Variants in SERINC5 observed in about 807,000 individuals in gnomAD.
SERINC5 encodes chromosome 5 open reading frame 12.
SERINC5 carries 41 observed loss-of-function variants against 63.1 expected under a neutral mutation model. That is an observed-to-expected ratio of 0.65 (90% confidence interval 0.51 to 0.84). SERINC5 has a LOEUF of 0.84. Ranked by LOEUF, SERINC5 falls within the 40% of genes least tolerant of loss-of-function variation. The pLI, the probability that SERINC5 is intolerant of heterozygous loss-of-function variation, is 0.00. For synonymous variants in SERINC5, 222 were observed against 215.2 expected, an observed-to-expected ratio of 1.03 and a Z score of -0.28; for missense variants, 523 against 573.0, an observed-to-expected ratio of 0.91 and a Z score of 0.89.
chr5:80,141,997 A>G lies in SERINC5; in HGVS notation c.*1666T>C. On this transcript the variant is annotated 3_prime_UTR_variant, in exon 12 of 12. Transcript: ENST00000507668. ...AGAAAGAATTTCACTAATTTCACCC[A>G]CCAGCATTTTGGCACACAGAAGCCC... is the stretch of plus-strand genomic sequence containing the variant. 1 of 985,344 alleles carries G rather than the reference A, an allele frequency of 1.0e-6. No individual in the cohort carries two copies. Among genetic ancestry groups the G allele is most frequent in the South Asian group, 4.7e-5 (1 of 21,284 alleles). The allele number at this position is 985,344 out of a possible 1,614,324, so 61.0% of individuals were successfully genotyped here.
intron 2 of SERINC5, 24 bp downstream of exon 2, chr5:80,202,862 C>T (rs534304210): frequency 1.4e-4 from 218 of 1,588,684 alleles, no homozygotes; most frequent in Non-Finnish European, 1.8e-4. Context: ...GGAAATAGGA[C>T]GAGCTGAACA....
At chr5:80,191,042 C>T (rs1050045637) in intron 2 of SERINC5, among the ~76,000 whole-genome samples, 3 of 151,924 alleles carry the variant, frequency 2.0e-5, no homozygotes, top group African/African-American at 7.3e-5. Context: ...CCAGACCGAA[C>T]CAAAATGAAG....
At chr5:80,176,082 G>A (rs1748016403) in intron 4 of SERINC5, among the ~76,000 whole-genome samples, 2 of 152,132 alleles carry the variant, frequency 1.3e-5, no homozygotes, top group South Asian at 4.1e-4. Context: ...GGGAGGCTGA[G>A]GCAGAAGAAT....
intron 2 of SERINC5, among the ~76,000 whole-genome samples, chr5:80,200,746 C>CAA (rs1749786301): frequency 6.6e-6 from 1 of 152,118 alleles, no homozygotes; most frequent in East Asian, 1.9e-4. Context: ...TAAGAATATA[C>CAA]AAAGTGCTGT....
At chr5:80,207,820 G>C (rs1486730827) in intron 1 of SERINC5, among the ~76,000 whole-genome samples, 2 of 152,214 alleles carry the variant, frequency 1.3e-5, no homozygotes, top group Non-Finnish European at 2.9e-5. Context: ...ATTATCTTAA[G>C]CTACACATTG....
chr5:80,137,368 C>A (rs965858952), downstream of SERINC5, among the ~76,000 whole-genome samples: 12 of 151,948 alleles, frequency 7.9e-5, no homozygotes, highest in Non-Finnish European at 1.3e-4. Context: ...TGGCCAGGCA[C>A]AGTGGCTCAC....
At chr5:80,112,355 C>A (rs1744147410) in intron 12 of SERINC5, among the ~76,000 whole-genome samples, 1 of 152,184 alleles carries the variant, frequency 6.6e-6, no homozygotes, top group Admixed American at 6.5e-5. Flanking sequence ...ATAGTACCTT[C>A]CCTTGAACTT....
At chr5:80,185,170 C>T (rs115463031) in intron 2 of SERINC5, among the ~76,000 whole-genome samples, 2,434 of 152,234 alleles carry the variant, frequency 0.016, 77 homozygotes, top group African/African-American at 0.056. Context: ...CCACCGCATG[C>T]AGGCTGTATG....
intron 1 of SERINC5, among the ~76,000 whole-genome samples, chr5:80,253,571 G>C (rs1752520515): frequency 6.6e-6 from 1 of 152,034 alleles, no homozygotes. Context: ...CAGCTGACAG[G>C]TTCTGGCCAT....
intron 2 of SERINC5, among the ~76,000 whole-genome samples, chr5:80,195,304 T>C (rs1053025784): frequency 1.3e-5 from 2 of 150,558 alleles, no homozygotes; most frequent in African/African-American, 5.0e-5. Context: ...AAAAAAAAAT[T>C]CTAACAATGT....
At chr5:80,240,358 T>C (rs1222588754) in intron 1 of SERINC5, among the ~76,000 whole-genome samples, 2 of 152,218 alleles carry the variant, frequency 1.3e-5, no homozygotes, top group Non-Finnish European at 2.9e-5. Context: ...TCAAATAAAA[T>C]GCCAAATTTA....
intron 11 of SERINC5, among the ~76,000 whole-genome samples, chr5:80,129,499 G>C (rs73125925): frequency 0.04 from 6,108 of 152,168 alleles, 371 homozygotes; most frequent in African/African-American, 0.13. Flanking sequence ...TGTAGAGACA[G>C]GGTCTCATTA....
At chr5:80,211,779 A>G (rs1561430201) in intron 1 of SERINC5, among the ~76,000 whole-genome samples, 2 of 152,232 alleles carry the variant, frequency 1.3e-5, no homozygotes, top group South Asian at 4.1e-4. Context: ...AACAGCTCAC[A>G]CACGGCAGTG....
chr5:80,115,399 G>A (rs1744290226), intron 11 of SERINC5, among the ~76,000 whole-genome samples: 1 of 151,970 alleles, frequency 6.6e-6, no homozygotes, highest in South Asian at 2.1e-4. Flanking sequence ...CTCATTTACT[G>A]TAGTTGCTTA....
chr5:80,253,088 A>G (rs559211968), intron 1 of SERINC5, among the ~76,000 whole-genome samples: 5 of 152,276 alleles, frequency 3.3e-5, no homozygotes, highest in Admixed American at 6.5e-5. Context: ...TAATGCGATC[A>G]TCATCTACCC....
chr5:80,193,497 G>A (rs951517739), intron 2 of SERINC5, among the ~76,000 whole-genome samples: 5 of 152,136 alleles, frequency 3.3e-5, no homozygotes, highest in Admixed American at 6.6e-5. Context: ...ATTCTCTCTC[G>A]TCCATAGCCA....
Position 80,177,952 on chromosome 5 carries a change from A to G in SERINC5, c.308T>C (p.Phe103Ser). 2 of 1,612,252 alleles carry G rather than the reference A, an allele frequency of 1.2e-6. No homozygotes were observed. The highest frequency in any genetic ancestry group is 2.7e-5 in the African/African-American group (2 of 75,022). Residue 103 changes from phenylalanine (F) to serine (S), a missense_variant, in exon 3 of 12, where the codon TTT becomes TCT. Physicochemically the swap from Phe to Ser is radical, Grantham distance 155. Coordinates refer to ENST00000507668, the MANE Select transcript of SERINC5 (RefSeq NM_001174072.3). ...RVCFGMACFF[F>S]IFCLLTLKIN... ...TTTCAAGGTCAGTAGACAGAAGATA[A>G]AGAAGAAACAAGCCATTCCAAAACA...
At chr5:80,151,431 C>T (rs922764920) in intron 8 of SERINC5, among the ~76,000 whole-genome samples, 52 of 152,134 alleles carry the variant, frequency 3.4e-4, no homozygotes, top group Non-Finnish European at 1.9e-4. Context: ...GAGTAGCAGT[C>T]GAGGTAATAA....
At chr5:80,182,854 C>G (rs7729757) in intron 2 of SERINC5, among the ~76,000 whole-genome samples, 2,501 of 152,126 alleles carry the variant, frequency 0.016, 70 homozygotes, top group African/African-American at 0.058. Flanking sequence ...CCTATCTGAC[C>G]CTTTTTAAAA....
Sources: gnomAD v4.1 joint callset for allele counts (sites outside exome capture counted in the v4.1 genomes callset) on GRCh38, gnomAD v4.1.1 for gene constraint, MANE v1.5 for transcripts, NCBI Gene and HGNC (gene_info 2026-07-23, HGNC 2026-07-21) for gene names.